SLC38A9: variants seen among roughly 807,000 people sequenced by gnomAD.
SLC38A9 encodes the protein solute carrier family 38 member 9.
In SLC38A9, 48 loss-of-function variants were observed where a neutral mutation model predicts 62.3. That is an observed-to-expected ratio of 0.77 (90% CI 0.61 to 0.98). The LOEUF is 0.98. Among genes scored for constraint, SLC38A9 ranks in the 50% least tolerant of loss-of-function variants. SLC38A9 has a pLI of 0.00. For missense variants in SLC38A9, 541 were observed against 679.8 expected, an observed-to-expected ratio of 0.80 and a Z score of 2.27; for synonymous variants, 204 against 227.7, an observed-to-expected ratio of 0.90 and a Z score of 0.94.
At chr5:55,675,303 C>T (rs1378735063) in intron 3 of SLC38A9, 1 of 152,130 alleles carries the variant, frequency 6.6e-6, no homozygotes, top group South Asian at 2.1e-4. Flanking sequence ...TTTTTCTTTT[C>T]CAACAGTTTT....
At chr5:55,659,547 C>T (rs1019170469) in intron 8 of SLC38A9, among the ~76,000 whole-genome samples, 2 of 151,738 alleles carry the variant, frequency 1.3e-5, no homozygotes, top group African/African-American at 4.8e-5. Flanking sequence ...ACCACCACGC[C>T]TGGCTAATTT....
chr5:55,627,863 AG>A, intron 15 of SLC38A9, 27 bp downstream of exon 15: 1 of 1,386,886 alleles, frequency 7.2e-7, no homozygotes, highest in Non-Finnish European at 1.0e-6. Flanking sequence ...AATATATGTA[AG>A]GGCACCATTC....
chr5:55,666,192 T>C (rs748770696), intron 7 of SLC38A9, among the ~76,000 whole-genome samples: 1 of 152,154 alleles, frequency 6.6e-6, no homozygotes, highest in Non-Finnish European at 1.5e-5. Context: ...TTAAAAAGCA[T>C]GTATTTAGAG....
chr5:55,697,748 T>C, intron 3 of SLC38A9, 98 bp downstream of exon 3: 1 of 552,752 alleles, frequency 1.8e-6, no homozygotes, highest in Non-Finnish European at 3.0e-6. Context: ...AGAAAGTGGA[T>C]ATTTTATAAT....
chr5:55,684,983 T>G (rs1418333593), intron 3 of SLC38A9, among the ~76,000 whole-genome samples: 1 of 152,216 alleles, frequency 6.6e-6, no homozygotes. Flanking sequence ...TCTCAGCTAA[T>G]AAACTGGAAT....
intron 8 of SLC38A9, among the ~76,000 whole-genome samples, chr5:55,657,742 G>T (rs772578437): frequency 6.6e-6 from 1 of 152,164 alleles, no homozygotes; most frequent in African/African-American, 2.4e-5. Context: ...ATTAATAAAA[G>T]TATTTGTTGT....
At position 55,626,589 on chromosome 5, in the gene SLC38A9, G is replaced by A; in HGVS notation, c.1591C>T (p.His531Tyr). ...GGCCATGTCAGACGCTCTTCTTGGT[G>A]GAGGGAAATTATATAGATGAGAGAT... ...YPSLIYIISL[H>Y]QEERLTWPKL... The change falls in exon 16 of 16, where the codon CAC becomes TAC. Residue 531 changes from histidine to tyrosine, a missense_variant. Coordinates refer to ENST00000396865, the MANE Select transcript of SLC38A9 (RefSeq NM_173514.4). 1 of 1,613,918 alleles carries A rather than the reference G, an allele frequency of 6.2e-7. No homozygotes were observed. The highest frequency in any genetic ancestry group is 8.5e-7 in the Non-Finnish European group (1 of 1,179,870).
intron 10 of SLC38A9, 30 bp downstream of exon 10, chr5:55,652,497 CAA>C (rs1747698277): frequency 7.1e-7 from 1 of 1,414,246 alleles, no homozygotes; most frequent in Admixed American, 2.1e-5. Flanking sequence ...TTCTATTACA[CAA>C]AGTCTCCATA....
chr5:55,652,661 T>C lies in SLC38A9; in HGVS notation c.820A>G (p.Asn274Asp), dbSNP rs2150189493. ...TCAAACTGTTGGGCTCCTGTGTCAT[T>C]GGCATAGAAAATCATAGAGCTGTTG... ...PDNSSMIFYA[N>D]DTGAQQFEKW... The change falls in exon 10 of 16, where the codon AAT (asparagine) becomes GAT (aspartate). Residue 274 changes from asparagine to aspartate, a missense_variant. By Grantham distance (23) the Asn-to-Asp change is conservative. Transcript: ENST00000396865. 1 of 1,613,682 alleles carries C rather than the reference T, an allele frequency of 6.2e-7. No homozygotes were observed.
At chr5:55,652,331 T>A (rs1460433145) in intron 10 of SLC38A9, among the ~76,000 whole-genome samples, 198 bp downstream of exon 10, 1 of 99,294 alleles carries the variant, frequency 1.0e-5, no homozygotes, top group Non-Finnish European at 1.9e-5. Flanking sequence ...CACTCCACCC[T>A]GGGCAACAAC....
In SLC38A9 at chr5:55,633,817, G is replaced by C. The variant is rs751217252; in HGVS notation, c.1367C>G (p.Pro456Arg). 3 of 1,614,012 alleles carry C rather than the reference G, an allele frequency of 1.9e-6. No homozygotes were observed. The highest frequency in any genetic ancestry group is 2.5e-6 in the Non-Finnish European group (3 of 1,180,024). Reference sequence around the variant, plus strand: ...GACACGAGCCAGGTAGCCTAAGAGTGGGTATACAGTCATCATCTGGAACAG... The same window carrying C: ...GACACGAGCCAGGTAGCCTAAGAGTCGGTATACAGTCATCATCTGGAACAG... ...FLLFQMMTVY[P>R]LLGYLARVQL... is the part of the protein sequence containing the mutation. Residue 456 changes from proline to arginine, a missense_variant, in exon 14 of 16, where the codon CCA (proline) becomes CGA (arginine). Coordinates refer to ENST00000396865, the MANE Select transcript of SLC38A9 (RefSeq NM_173514.4).
At position 55,678,656 on chromosome 5, in the gene SLC38A9, T is replaced by TG. The variant is rs1561397866; in HGVS notation, c.114-5962_114-5961insC. 6.0e-5 allele frequency among the ~76,000 whole-genome samples: 8 copies of TG among 134,404 alleles called. 1 individual carries two copies. In the East Asian group the frequency reaches 1.3e-3, roughly 22 times the overall value. 88.2% of individuals were successfully genotyped at this position (134,404 alleles called of 152,430 possible). On this transcript the variant is annotated intron_variant, in intron 3 of 15. Coordinates refer to ENST00000396865, the MANE Select transcript of SLC38A9 (RefSeq NM_173514.4). ...AAGACTGAAATGAACTTTTTTTTTT[T>TG]TTTTTTTTTTTTTTTTTTGAGACAG... is the stretch of plus-strand genomic sequence containing the variant.
intron 12 of SLC38A9, among the ~76,000 whole-genome samples, chr5:55,641,659 G>A (rs1745463918): frequency 6.6e-6 from 1 of 152,180 alleles, no homozygotes; most frequent in Admixed American, 6.5e-5. Context: ...CCCCATTCAA[G>A]TATCCATTTT....
intron 15 of SLC38A9, among the ~76,000 whole-genome samples, chr5:55,627,082 G>C (rs1168229279): frequency 6.6e-6 from 1 of 152,162 alleles, no homozygotes; most frequent in African/African-American, 2.4e-5. Context: ...CATTCAGCAT[G>C]ATTACGAAAG....
In SLC38A9 at chr5:55,649,441, C is replaced by T. The variant is rs114519174; in HGVS notation, c.953-127G>A. 3.8e-3 allele frequency: 2,061 copies of T among 539,062 alleles called. 38 individuals carry two copies. Among genetic ancestry groups the T allele is most frequent in the African/African-American group, 0.037 (1,879 of 50,972 alleles). 33.4% of individuals were successfully genotyped at this position (539,062 alleles called of 1,614,324 possible). ...CTGTTAACTGCATTGATTATCTCCA[C>T]TAACACCCAGCTGGGATCTAAAGAC... On this transcript the variant is annotated intron_variant, in intron 10 of 15. Coordinates refer to ENST00000396865, the MANE Select transcript of SLC38A9 (RefSeq NM_173514.4).
At chr5:55,639,272 TAAA>T (rs753043231) in intron 12 of SLC38A9, among the ~76,000 whole-genome samples, 1 of 54,648 alleles carries the variant, frequency 1.8e-5, no homozygotes. Flanking sequence ...AAACTCTGTC[TAAA>T]AAAAAAAAAA....
chr5:55,704,438 A>C (rs1473493207), intron 2 of SLC38A9: 1 of 152,244 alleles, frequency 6.6e-6, no homozygotes, highest in Non-Finnish European at 1.5e-5. Context: ...GGAAACTCTG[A>C]AACACATGAA....
chr5:55,694,720 C>G (rs1000146290), intron 3 of SLC38A9, among the ~76,000 whole-genome samples: 7 of 148,346 alleles, frequency 4.7e-5, no homozygotes, highest in Non-Finnish European at 1.0e-4. Flanking sequence ...CCCTCCCCTC[C>G]CCTCCGCTCC....
Position 55,626,360 on chromosome 5 carries a change from T to C in SLC38A9, c.*134A>G, listed in dbSNP as rs947938405. ...AAAAATACTCATTAAGGGGCCACTA[T>C]TTCCCTTGCTTTCAAATTATCTTAG... On this transcript the variant is annotated 3_prime_UTR_variant, in exon 16 of 16. Coordinates refer to ENST00000396865, the MANE Select transcript of SLC38A9 (RefSeq NM_173514.4). 5 of 823,510 alleles carry C rather than the reference T, an allele frequency of 6.1e-6. No individual in the cohort carries two copies. Among genetic ancestry groups the C allele is most frequent in the Non-Finnish European group, 7.4e-6 (4 of 540,046 alleles). 51.0% of individuals were successfully genotyped at this position (823,510 alleles called of 1,614,324 possible).
Sources: allele counts gnomAD v4.1 joint callset (sites outside exome capture counted in the v4.1 genomes callset), GRCh38; gene constraint gnomAD v4.1.1; transcripts MANE v1.5; gene names NCBI Gene and HGNC (gene_info 2026-07-23, HGNC 2026-07-21).